The following SLC5A10 variants were observed in gnomAD, a reference collection of about 807,000 sequenced individuals.
SLC5A10 encodes solute carrier family 5 member 10.
In SLC5A10, 55 loss-of-function variants were observed where a neutral mutation model predicts 68.9. The observed-to-expected ratio is 0.80, with a 90% CI of 0.64 to 1.00. The LOEUF is 1.00. Among genes scored for constraint, SLC5A10 ranks in the 50% least tolerant of loss-of-function variants. The probability of loss-of-function intolerance (pLI) is 0.00; values close to 1 mark genes in which losing one functional copy is unlikely to be tolerated. For synonymous variants in SLC5A10, 344 were observed against 344.8 expected (o/e 1.00, Z 0.02); for missense variants, 732 against 819.3 (o/e 0.89, Z 1.30).
chr17:18,954,143 G>A (rs1237081907), intron 1 of SLC5A10: 4 of 152,290 alleles, frequency 2.6e-5, no homozygotes, highest in African/African-American at 9.6e-5. Flanking sequence ...AAACTGTAAC[G>A]TGCTATATTC....
At chr17:18,980,599 C>T (rs764720284) in intron 9 of SLC5A10, among the ~76,000 whole-genome samples, 5 of 152,160 alleles carry the variant, frequency 3.3e-5, no homozygotes, top group Non-Finnish European at 5.9e-5. Context: ...GACTTCCCTC[C>T]CCCAGGTAGC....
intron 9 of SLC5A10, among the ~76,000 whole-genome samples, chr17:18,989,490 A>AGG (rs2043356982): frequency 6.6e-6 from 1 of 152,188 alleles, no homozygotes; most frequent in Non-Finnish European, 1.5e-5. Flanking sequence ...ACTCCAGCAG[A>AGG]GGGGAGGGCT....
intron 8 of SLC5A10, among the ~76,000 whole-genome samples, chr17:18,973,673 C>A (rs929658127): frequency 6.6e-6 from 1 of 152,080 alleles, no homozygotes; most frequent in Non-Finnish European, 1.5e-5. Context: ...AGGGAGGTAG[C>A]AGTTCTGTGT....
chr17:18,955,490 A>C (rs899774130), intron 1 of SLC5A10, among the ~76,000 whole-genome samples: 3 of 152,254 alleles, frequency 2.0e-5, no homozygotes, highest in Non-Finnish European at 4.4e-5. Flanking sequence ...AAATGGGTAC[A>C]TGTGGCCCCC....
chr17:18,972,147 G>A, intron 8 of SLC5A10, among the ~76,000 whole-genome samples: 1 of 152,192 alleles, frequency 6.6e-6, no homozygotes, highest in Non-Finnish European at 1.5e-5. Flanking sequence ...GACCTCAGAT[G>A]AGCTGCTTCC....
At chr17:19,016,589 C>G (rs1364510337) in intron 11 of SLC5A10, among the ~76,000 whole-genome samples, 1 of 152,206 alleles carries the variant, frequency 6.6e-6, no homozygotes, top group Non-Finnish European at 1.5e-5. Flanking sequence ...GCAAAATAGT[C>G]AGGCTTCTGT....
chr17:18,959,006 G>A, intron 2 of SLC5A10, 129 bp from the exon 3 acceptor site: 1 of 893,162 alleles, frequency 1.1e-6, no homozygotes, highest in Non-Finnish European at 1.7e-6. Flanking sequence ...ACACACCCTG[G>A]GCTCCTCATC....
chr17:18,964,695 G>A (rs1054786681), intron 5 of SLC5A10, among the ~76,000 whole-genome samples: 1 of 151,368 alleles, frequency 6.6e-6, no homozygotes, highest in Non-Finnish European at 1.5e-5. Flanking sequence ...CAAGAGCTTG[G>A]CAAGTCCAGG....
intron 9 of SLC5A10, among the ~76,000 whole-genome samples, chr17:19,011,684 C>G (rs1280178818): frequency 2.0e-5 from 3 of 151,720 alleles, no homozygotes; most frequent in Non-Finnish European, 4.4e-5. Flanking sequence ...ATGGGAGGAG[C>G]CAGGGAGGTG....
rs577914882 is a variant in SLC5A10, at chr17:18,958,655, A to C, written c.112-27A>C. ...CCCAGCAGCAGTGTGCGGGCTTCCA[A>C]CTCCTGTCCCTTTTCTCCTCTTGCA... On this transcript the variant is annotated intron_variant, in intron 1 of 14. Transcript: ENST00000395645. The C allele has an allele frequency of 4.6e-5, 74 of 1,612,424 alleles. No individual in the cohort carries two copies. The South Asian group carries it at 6.4e-4, about 14-fold the overall frequency.
chr17:19,008,813 ATT>A (rs1207007118), intron 9 of SLC5A10, among the ~76,000 whole-genome samples: 11 of 146,092 alleles, frequency 7.5e-5, no homozygotes, highest in Non-Finnish European at 6.0e-5. Flanking sequence ...TATTATTATT[ATT>A]TTTTTTTTTT....
At chr17:18,978,684 G>A in intron 9 of SLC5A10, 1 of 1,613,038 alleles carries the variant, frequency 6.2e-7, no homozygotes, top group Non-Finnish European at 8.5e-7. Context: ...ACAGAGGGCA[G>A]CACAATAGGC....
rs1210479898 is a variant in SLC5A10, at chr17:19,020,992, G to A, written c.*561G>A. The A allele has an allele frequency of 6.4e-6, 1 of 155,848 alleles. No individual in the cohort carries two copies. Among genetic ancestry groups the A allele is most frequent in the African/African-American group, 2.4e-5 (1 of 41,414 alleles). 9.7% of individuals were successfully genotyped at this position (155,848 alleles called of 1,614,324 possible). ...CACCTCACTTTTCCCTCTCCCAAAG[G>A]TGCCCAGGCTCTGGGCAGGCCCTGC... is the stretch of plus-strand genomic sequence containing the variant. On this transcript the variant is annotated 3_prime_UTR_variant, in exon 15 of 15. Coordinates refer to ENST00000395645, the MANE Select transcript of SLC5A10 (RefSeq NM_001042450.4).
rs763985935 is a variant in SLC5A10 at position 19,004,089 on chromosome 17, C to T, written c.983-9321C>T. ...CTGCCGGGGGTGGGTGGGCAAGGTC[C>T]AGCTCCTAGCTCCGGCCCAGCTGGG... is the stretch of plus-strand genomic sequence containing the variant. On this transcript the variant is annotated intron_variant, in intron 9 of 14. Coordinates refer to ENST00000395645, the MANE Select transcript of SLC5A10 (RefSeq NM_001042450.4). This position sits in a 1 kb window ranked among gnomAD's most constrained non-coding sequence, Gnocchi z 5.4. The T allele has an allele frequency of 8.5e-6, 13 of 1,530,750 alleles. No homozygotes were observed. Among genetic ancestry groups the T allele is most frequent in the Admixed American group, 4.1e-5 (2 of 48,878 alleles). The allele number at this position is 1,530,750 out of a possible 1,614,324, so 94.8% of individuals were successfully genotyped here. A position where few individuals can be genotyped will look rare whatever the true frequency, so the allele number is the denominator to read the frequency against.
chr17:18,967,393 C>T (rs1043628876), intron 5 of SLC5A10, among the ~76,000 whole-genome samples: 1 of 152,086 alleles, frequency 6.6e-6, no homozygotes, highest in Non-Finnish European at 1.5e-5. Flanking sequence ...ACAATGTACT[C>T]GAGGAGCAGA....
chr17:19,014,249 G>A (rs562653805), intron 10 of SLC5A10, among the ~76,000 whole-genome samples: 1 of 152,290 alleles, frequency 6.6e-6, no homozygotes, highest in Non-Finnish European at 1.5e-5. Flanking sequence ...AGAGAGGGGA[G>A]GCGACCAGCC....
rs1167004024 is a variant in SLC5A10 at position 19,004,716 on chromosome 17, G to A, written c.983-8694G>A. 2.0e-5 allele frequency: 3 copies of A among 151,270 alleles called. No homozygotes were observed. Among genetic ancestry groups the A allele is most frequent in the Non-Finnish European group, 4.4e-5 (3 of 67,634 alleles). 9.4% of individuals were successfully genotyped at this position (151,270 alleles called of 1,614,324 possible). On this transcript the variant is annotated intron_variant, in intron 9 of 14. Coordinates refer to ENST00000395645, the MANE Select transcript of SLC5A10 (RefSeq NM_001042450.4). The surrounding 1 kb of genome is among the most constrained non-coding windows in gnomAD (Gnocchi z 5.4). ...CGGCCGGGACTTGCTTACCGAGCGG[G>A]CGCTGGCGGAGCGGGGCGCACACGC...
intron 8 of SLC5A10, among the ~76,000 whole-genome samples, chr17:18,975,276 C>T (rs1037776991): frequency 5.3e-5 from 8 of 152,220 alleles, no homozygotes; most frequent in Non-Finnish European, 8.8e-5. Flanking sequence ...GCCCTGCGTT[C>T]GGAGGCTGCA....
At chr17:18,981,243 G>T (rs570871999) in intron 9 of SLC5A10, among the ~76,000 whole-genome samples, 2 of 152,154 alleles carry the variant, frequency 1.3e-5, no homozygotes, top group Admixed American at 1.3e-4. Context: ...TAGGTCACAG[G>T]GGGAGGTGGG....
Sources: allele counts gnomAD v4.1 joint callset (sites outside exome capture counted in the v4.1 genomes callset), GRCh38; gene constraint gnomAD v4.1.1; non-coding constraint Gnocchi (gnomAD v3.1); transcripts MANE v1.5; gene names NCBI Gene and HGNC (gene_info 2026-07-23, HGNC 2026-07-21).